RBFOX1: variants seen among roughly 807,000 people sequenced by gnomAD.
RBFOX1 encodes the protein RNA binding protein fox-1 homolog 1.
RBFOX1 carries 8 observed loss-of-function variants against 57.7 expected under a neutral mutation model. The ratio of observed to expected loss-of-function variants is 0.14; its 90% CI spans 0.08 to 0.25. RBFOX1 has a LOEUF of 0.25. RBFOX1 is among the 10% of genes least tolerant of loss of function. The pLI is 1.00. For synonymous variants in RBFOX1, 326 were observed against 222.4 expected (o/e 1.47, Z -4.15); for missense variants, 611 against 548.5 (o/e 1.11, Z -1.14).
chr16:6,416,707 C>T (rs1464424965), intron 2 of RBFOX1, among the ~76,000 whole-genome samples: 5 of 152,100 alleles, frequency 3.3e-5, no homozygotes, highest in African/African-American at 9.7e-5. Context: ...CTGCTGCATT[C>T]GCACCTGTCA....
intron 3 of RBFOX1, among the ~76,000 whole-genome samples, chr16:5,670,701 C>G (rs1489181131): frequency 6.6e-6 from 1 of 152,222 alleles, no homozygotes; most frequent in Non-Finnish European, 1.5e-5. Context: ...ATCCTTCTTA[C>G]TAGTTCAACT....
chr16:5,465,578 C>A (rs942927946), intron 1 of RBFOX1, among the ~76,000 whole-genome samples: 3 of 152,174 alleles, frequency 2.0e-5, no homozygotes, highest in African/African-American at 4.8e-5. Context: ...GACTGTAGGT[C>A]AAAGTCATGT....
intron 2 of RBFOX1, among the ~76,000 whole-genome samples, chr16:6,389,847 C>T (rs951813147): frequency 2.6e-5 from 4 of 152,142 alleles, no homozygotes; most frequent in African/African-American, 9.7e-5. Flanking sequence ...ATGCTGTCTT[C>T]CCAGTATTTG....
At chr16:5,284,184 G>T (rs1015596739) in intron 1 of RBFOX1, among the ~76,000 whole-genome samples, 25 of 152,118 alleles carry the variant, frequency 1.6e-4, no homozygotes, top group African/African-American at 5.1e-4. Flanking sequence ...TGATTTTGAG[G>T]CTTCCCCAGC....
At chr16:6,728,073 G>T (rs9922482) in intron 3 of RBFOX1, among the ~76,000 whole-genome samples, 137,825 of 152,150 alleles carry the variant, frequency 0.91, 64,049 homozygotes, top group East Asian at 1. Context: ...CAGGATTTTA[G>T]CATAGAGCTA....
intron 4 of RBFOX1, among the ~76,000 whole-genome samples, chr16:7,203,485 A>G (rs1402152532): frequency 2.0e-5 from 3 of 152,210 alleles, no homozygotes; most frequent in South Asian, 4.1e-4. Context: ...AACAATATAA[A>G]TATACTTAAT....
At chr16:6,126,207 C>G (rs1204541147) in intron 1 of RBFOX1, among the ~76,000 whole-genome samples, 2 of 152,132 alleles carry the variant, frequency 1.3e-5, no homozygotes, top group Non-Finnish European at 2.9e-5. Context: ...GAAAATTCAC[C>G]CACAAACTAG....
At chr16:6,534,303 C>T (rs533229953) in intron 2 of RBFOX1, among the ~76,000 whole-genome samples, 1 of 151,956 alleles carries the variant, frequency 6.6e-6, no homozygotes, top group Non-Finnish European at 1.5e-5. Flanking sequence ...GTATAACATA[C>T]TCAGCAAGAG....
At position 6,019,576 on chromosome 16, in the gene RBFOX1, G is replaced by T; in HGVS notation, c.-543G>T. The T allele has an allele frequency of 5.1e-6, 6 of 1,169,314 alleles. No homozygotes were observed. The highest frequency in any genetic ancestry group is 5.3e-6 in the Non-Finnish European group (5 of 947,684). The allele number at this position is 1,169,314 out of a possible 1,614,324, so 72.4% of individuals were successfully genotyped here. ...GCGGCGGCACTGGCTGGACCCACGC[G>T]CGCGCCTCCGGGGCTGAAGAAGGAA... On this transcript the variant is annotated 5_prime_UTR_variant, in exon 1 of 16. Transcript: ENST00000550418. The surrounding 1 kb of genome is among the most constrained non-coding windows in gnomAD (Gnocchi z 4.2).
intron 1 of RBFOX1, among the ~76,000 whole-genome samples, chr16:6,263,047 G>A (rs1357428041): frequency 6.6e-6 from 1 of 152,196 alleles, no homozygotes; most frequent in Non-Finnish European, 1.5e-5. Flanking sequence ...CAAAGAACCA[G>A]GGAGAGAGCT....
intron 4 of RBFOX1, among the ~76,000 whole-genome samples, chr16:7,359,887 G>C (rs2146524897): frequency 6.6e-6 from 1 of 152,270 alleles, no homozygotes; most frequent in East Asian, 1.9e-4. Flanking sequence ...GGGAGGCTGA[G>C]GCAGGGGAAT....
chr16:5,955,510 A>G lies in RBFOX1; in HGVS notation c.351+88175A>G, dbSNP rs140442428. Among the ~76,000 whole-genome samples, 88 of 152,262 alleles carry G rather than the reference A, an allele frequency of 5.8e-4. 2 individuals carry two copies. Among genetic ancestry groups the G allele is most frequent in the African/African-American group, 2.0e-3 (82 of 41,576 alleles). On this transcript the variant is annotated intron_variant, in intron 4 of 19. Coordinates refer to the RBFOX1 transcript ENST00000641259. ...ATAGGACATAACCTTCTGCAAATAA[A>G]TAATCATCATAGAAGTAACAGTAGC... is the stretch of plus-strand genomic sequence containing the variant.
downstream of RBFOX1, among the ~76,000 whole-genome samples, chr16:5,602,121 C>G (rs1014193601): frequency 6.6e-6 from 1 of 152,232 alleles, no homozygotes; most frequent in African/African-American, 2.4e-5. Flanking sequence ...GCTGGACTCT[C>G]ACAGGTCAGC....
intron 1 of RBFOX1, among the ~76,000 whole-genome samples, chr16:6,174,253 ACT>A (rs1208000489): frequency 6.6e-6 from 1 of 152,112 alleles, no homozygotes; most frequent in East Asian, 1.9e-4. Context: ...CATTGTCCTC[ACT>A]GTTGCGCTGT....
chr16:5,801,924 G>A (rs866912427), intron 3 of RBFOX1, among the ~76,000 whole-genome samples: 1 of 152,182 alleles, frequency 6.6e-6, no homozygotes, highest in African/African-American at 2.4e-5. Context: ...AAAGGAAAGC[G>A]AATTCCCCTC....
chr16:5,281,398 T>C (rs1351698372), intron 1 of RBFOX1, among the ~76,000 whole-genome samples: 2 of 152,186 alleles, frequency 1.3e-5, no homozygotes, highest in Non-Finnish European at 2.9e-5. Flanking sequence ...TAGTGTATTC[T>C]GCTGCTGCTG....
In RBFOX1 at chr16:7,664,992, C is replaced by T. The variant is rs755679943; in HGVS notation, c.930+24C>T. The T allele has an allele frequency of 6.2e-6, 10 of 1,613,880 alleles. No individual in the cohort carries two copies. In the East Asian group the frequency reaches 2.2e-4, roughly 36 times the overall value. On this transcript the variant is annotated intron_variant, in intron 13 of 15. Transcript: ENST00000550418. ...ATGTAAGTATTCATTCACGTGCATG[C>T]CATCCCCGTTTCCTCCTGGAGTCAT...
rs912971066 is a variant in RBFOX1, at chr16:7,416,714, G to C, written c.28-101433G>C. ...GAAAATATTAATGAGTAAAAGGCAA[G>C]CGACTTTAGGGATGTTTTTTTTTCT... On this transcript the variant is annotated intron_variant, in intron 4 of 15. Transcript: ENST00000550418. 4.7e-5 allele frequency among the ~76,000 whole-genome samples: 7 copies of C among 149,700 alleles called. No homozygotes were observed. In the East Asian group the frequency reaches 1.2e-3, roughly 26 times the overall value.
intron 4 of RBFOX1, among the ~76,000 whole-genome samples, chr16:5,979,660 A>C (rs147423609): frequency 3.6e-4 from 55 of 152,292 alleles, no homozygotes; most frequent in African/African-American, 1.3e-3. Flanking sequence ...TCAAGAGATC[A>C]AGACCATCCT....
Sources: gnomAD v4.1 joint callset for allele counts (sites outside exome capture counted in the v4.1 genomes callset) on GRCh38, gnomAD v4.1.1 for gene constraint, Gnocchi (gnomAD v3.1) non-coding constraint, MANE v1.5 for transcripts, NCBI Gene and HGNC (gene_info 2026-07-23, HGNC 2026-07-21) for gene names.